The following ITGA11 variants were observed in gnomAD, a reference collection of about 807,000 sequenced individuals.
ITGA11 encodes integrin alpha-11.
ITGA11 carries 97 observed loss-of-function variants against 141.9 expected under a neutral mutation model. The observed-to-expected ratio is 0.68, with a 90% CI of 0.58 to 0.81. The LOEUF is 0.81. ITGA11 is among the 30% of genes least tolerant of loss of function. ITGA11 has a pLI of 0.00. For synonymous variants in ITGA11, 658 were observed against 624.6 expected, an observed-to-expected ratio of 1.05 and a Z score of -0.80; for missense variants, 1,387 against 1,559.2, an observed-to-expected ratio of 0.89 and a Z score of 1.86.
At chr15:68,412,613 T>C (rs1001519186) in intron 1 of ITGA11, among the ~76,000 whole-genome samples, 4 of 151,570 alleles carry the variant, frequency 2.6e-5, no homozygotes, top group Admixed American at 6.6e-5. Flanking sequence ...CAAGCTACCA[T>C]TGGGTCAAAG....
intron 1 of ITGA11, among the ~76,000 whole-genome samples, chr15:68,423,262 A>G (rs1897061568): frequency 6.6e-6 from 1 of 152,130 alleles, no homozygotes; most frequent in African/African-American, 2.4e-5. Flanking sequence ...TGGCGGGGGA[A>G]GTACAGGACA....
At chr15:68,364,011 C>T (rs536227501) in intron 4 of ITGA11, among the ~76,000 whole-genome samples, 1 of 152,306 alleles carries the variant, frequency 6.6e-6, no homozygotes, top group African/African-American at 2.4e-5. Context: ...TTGCTGAATC[C>T]CGGTGCCCAG....
At chr15:68,373,166 G>A (rs1324702990) in intron 2 of ITGA11, among the ~76,000 whole-genome samples, 1 of 152,010 alleles carries the variant, frequency 6.6e-6, no homozygotes, top group Non-Finnish European at 1.5e-5. Flanking sequence ...GGAAGCCGTC[G>A]GTGATTACCC....
chr15:68,319,647 C>T (rs543181226), intron 20 of ITGA11, among the ~76,000 whole-genome samples: 6 of 152,320 alleles, frequency 3.9e-5, no homozygotes, highest in South Asian at 4.1e-4. Context: ...AAGGACCTTC[C>T]GAGCAAGCCT....
At chr15:68,368,018 T>C (rs561821184) in intron 3 of ITGA11, among the ~76,000 whole-genome samples, 3 of 152,312 alleles carry the variant, frequency 2.0e-5, no homozygotes, top group African/African-American at 7.2e-5. Flanking sequence ...TTCCCACCCA[T>C]GGTGCTGATG....
In ITGA11 at chr15:68,311,376, G is replaced by T; in HGVS notation, c.3001C>A (p.His1001Asn). ...RIQNLGLFPI[H>N]GMMMKITIPI... ...ATGGTGATCTTCATCATCATCCCGT[G>T]GATGGGGAACAAGCCCAAGTTCTGG... Residue 1001 changes from histidine (H) to asparagine (N), a missense_variant, in exon 25 of 30, where the codon CAC becomes AAC. Transcript: ENST00000315757. 6.4e-7 allele frequency: 1 copy of T among 1,569,042 alleles called. No individual in the cohort carries two copies. The highest frequency in any genetic ancestry group is 2.3e-5 in the East Asian group (1 of 42,608).
chr15:68,357,167 CA>C lies in ITGA11; in HGVS notation c.732del (p.Phe244LeufsTer22). 6.2e-7 allele frequency: 1 copy of C among 1,611,724 alleles called. No homozygotes were observed. The highest frequency in any genetic ancestry group is 8.5e-7 in the Non-Finnish European group (1 of 1,179,358). ...QRGGTETRTA[F>X]GIEFARSEAF... Reference sequence around the variant, plus strand: ...TTTTTTTACCGTGCAAATTCAATGCCAAATGCCGTCCGGGTCTCTGTTCCTC... The same window carrying C: ...TTTTTTTACCGTGCAAATTCAATGCCAATGCCGTCCGGGTCTCTGTTCCTC... On this transcript the variant is annotated frameshift_variant, in exon 7 of 30. Transcript: ENST00000315757. LOFTEE classifies it high-confidence loss of function.
At chr15:68,320,434 G>A (rs956994313) in intron 19 of ITGA11, 42 bp from the exon 20 acceptor site, 8 of 1,520,136 alleles carry the variant, frequency 5.3e-6, no homozygotes, top group East Asian at 2.5e-5. Flanking sequence ...GATGGAATGA[G>A]GAAAGCAGGG....
At chr15:68,414,425 C>G (rs1256797377) in intron 1 of ITGA11, among the ~76,000 whole-genome samples, 8 of 152,162 alleles carry the variant, frequency 5.3e-5, no homozygotes, top group Admixed American at 6.5e-5. Context: ...GTATAACAGC[C>G]CCTCCTGAGT....
chr15:68,383,827 CA>C (rs1448520337), intron 2 of ITGA11, among the ~76,000 whole-genome samples: 1 of 152,150 alleles, frequency 6.6e-6, no homozygotes, highest in Non-Finnish European at 1.5e-5. Flanking sequence ...CATCGCAGAA[CA>C]AATGGTGTTG....
intron 4 of ITGA11, 112 bp downstream of exon 4, chr15:68,364,595 G>C (rs572900724): frequency 1.2e-5 from 10 of 832,702 alleles, no homozygotes; most frequent in East Asian, 2.7e-5. Context: ...TGGTTGGAGT[G>C]GGGGAGAGTG....
intron 13 of ITGA11, 61 bp downstream of exon 13, chr15:68,332,277 C>T: frequency 6.5e-7 from 1 of 1,542,426 alleles, no homozygotes; most frequent in African/African-American, 1.4e-5. Context: ...GTCGTGGCTA[C>T]CCAAGTCAAA....
chr15:68,401,617 G>A (rs1896513134), intron 2 of ITGA11, among the ~76,000 whole-genome samples: 1 of 152,130 alleles, frequency 6.6e-6, no homozygotes, highest in South Asian at 2.1e-4. Flanking sequence ...AGCACCTATT[G>A]CATGATTTCT....
intron 7 of ITGA11, among the ~76,000 whole-genome samples, chr15:68,356,751 A>C (rs1895083312): frequency 6.6e-6 from 1 of 152,192 alleles, no homozygotes; most frequent in African/African-American, 2.4e-5. Flanking sequence ...GGTTATAGGC[A>C]GTCTCCCAGG....
chr15:68,427,037 A>T (rs78674409), intron 1 of ITGA11, among the ~76,000 whole-genome samples: 1 of 150,810 alleles, frequency 6.6e-6, no homozygotes, highest in East Asian at 1.9e-4. Context: ...AAAAAAAAAA[A>T]AAAAGGCAGT....
At chr15:68,365,559 TGTGTGTGTGTGTGTGC>T (rs1895393231) in intron 3 of ITGA11, 1 of 152,752 alleles carries the variant, frequency 6.5e-6, no homozygotes, top group Non-Finnish European at 1.5e-5. Flanking sequence ...TGTGTGTGTG[TGTGTGTGTGTGTGTGC>T]ACGTGTACAG....
intron 1 of ITGA11, 26 bp downstream of exon 1, chr15:68,431,989 A>G: frequency 7.7e-7 from 1 of 1,296,034 alleles, no homozygotes; most frequent in Non-Finnish European, 9.8e-7. Flanking sequence ...CCGAGAGGCA[A>G]GGGGAGGCAG....
At chr15:68,368,656 TC>T (rs1194294401) in intron 3 of ITGA11, among the ~76,000 whole-genome samples, 1 of 152,180 alleles carries the variant, frequency 6.6e-6, no homozygotes, top group African/African-American at 2.4e-5. Context: ...CAAGCCCTGC[TC>T]CTTGTGAGCT....
chr15:68,412,372 G>A, intron 1 of ITGA11, among the ~76,000 whole-genome samples: 1 of 152,164 alleles, frequency 6.6e-6, no homozygotes, highest in East Asian at 1.9e-4. Context: ...GGCCTAACGA[G>A]CAAATCATGG....
Sources: allele counts gnomAD v4.1 joint callset (sites outside exome capture counted in the v4.1 genomes callset), GRCh38; gene constraint gnomAD v4.1.1; transcripts MANE v1.5; gene names NCBI Gene and HGNC (gene_info 2026-07-23, HGNC 2026-07-21).